The following SERPINA12 variants were observed in gnomAD, a reference collection of about 807,000 sequenced individuals.
SERPINA12 encodes the protein serpin family A member 12.
SERPINA12 carries 21 observed loss-of-function variants against 25.9 expected under a neutral mutation model. The ratio of observed to expected loss-of-function variants is 0.81; its 90% CI spans 0.58 to 1.17. The LOEUF is 1.17. Among genes scored for constraint, SERPINA12 ranks in the 50% most tolerant of loss-of-function variants. SERPINA12 has a pLI of 0.00. For synonymous variants in SERPINA12, 220 were observed against 196.0 expected (o/e 1.12, Z -1.02); for missense variants, 562 against 508.3 (o/e 1.11, Z -1.02).
upstream of SERPINA12, chr14:94,510,121 G>T (rs1418510316): frequency 1.0e-6 from 1 of 985,322 alleles, no homozygotes; most frequent in Non-Finnish European, 1.2e-6. Context: ...CTGGTGGCTG[G>T]AGAAGCCATC....
At chr14:94,501,275 C>T (rs1900709814) in intron 1 of SERPINA12, among the ~76,000 whole-genome samples, 1 of 152,112 alleles carries the variant, frequency 6.6e-6, no homozygotes, top group Non-Finnish European at 1.5e-5. Context: ...TAAGACATGT[C>T]CCTTGAGCTG....
chr14:94,505,372 A>C (rs1158385237), intron 1 of SERPINA12, among the ~76,000 whole-genome samples: 1 of 152,172 alleles, frequency 6.6e-6, no homozygotes, highest in East Asian at 1.9e-4. Context: ...CAGATCAGAA[A>C]CCACCCCTGA....
At chr14:94,499,711 G>C (rs931761204) in intron 1 of SERPINA12, among the ~76,000 whole-genome samples, 1 of 152,218 alleles carries the variant, frequency 6.6e-6, no homozygotes, top group Non-Finnish European at 1.5e-5. Context: ...TGCATGTTAT[G>C]TATTGAGGCA....
chr14:94,511,585 C>A, upstream of SERPINA12: 1 of 985,370 alleles, frequency 1.0e-6, no homozygotes, highest in Non-Finnish European at 1.2e-6. Flanking sequence ...AGAACAGGAA[C>A]CGACACCACC....
chr14:94,512,307 A>G (rs1901132601), upstream of SERPINA12, among the ~76,000 whole-genome samples: 1 of 152,102 alleles, frequency 6.6e-6, no homozygotes, highest in African/African-American at 2.4e-5. Flanking sequence ...GGGCCACCTC[A>G]CCCAGGTCAC....
chr14:94,497,778 T>C lies in SERPINA12; in HGVS notation c.620A>G (p.Tyr207Cys), dbSNP rs1367261260. ...DPGTVMLLAN[Y>C]IFFRARWKHE... ...AAAAGCCTTACCTCGAAAGAAAATA[T>C]AATTTGCAAGAAGCATCACAGTGCC... The change falls in exon 2 of 5, where the codon TAT (tyrosine) becomes TGT (cysteine). Residue 207 changes from tyrosine to cysteine, a missense_variant. Physicochemically the swap from Tyr to Cys is radical, Grantham distance 194 (BLOSUM62 -2). Transcript: ENST00000677451. 6.2e-7 allele frequency: 1 copy of C among 1,604,510 alleles called. No homozygotes were observed. Among genetic ancestry groups the C allele is most frequent in the Non-Finnish European group, 8.5e-7 (1 of 1,175,530 alleles).
chr14:94,501,234 G>A (rs777813748), intron 1 of SERPINA12: 17 of 892,540 alleles, frequency 1.9e-5, no homozygotes, highest in Middle Eastern at 5.6e-4. Context: ...CAGAGTGGGC[G>A]CAAGTTCCCA....
chr14:94,503,134 G>T (rs953734358), intron 1 of SERPINA12: 2 of 924,918 alleles, frequency 2.2e-6, no homozygotes, highest in African/African-American at 3.6e-5. Flanking sequence ...GCTTTAAGAA[G>T]AAATCACTCT....
At chr14:94,492,142 C>T (rs750379871) in intron 3 of SERPINA12, among the ~76,000 whole-genome samples, 6 of 152,020 alleles carry the variant, frequency 3.9e-5, no homozygotes, top group South Asian at 2.1e-4. Context: ...AGCCGAAGAG[C>T]GAGGCCTGAG....
In SERPINA12 at chr14:94,498,004, G is replaced by T. The variant is rs747223872; in HGVS notation, c.394C>A (p.Leu132Met). ...ATGAACAGCGTGTTCCCAATGCTCA[G>T]TTTGAGGTCCTGGGTCTTCTGGGTC... Reference protein sequence around the residue: ...ELTQKTQDLKLSIGNTLFIDQ... With the variant: ...ELTQKTQDLKMSIGNTLFIDQ... The change falls in exon 2 of 5, where the codon CTG becomes ATG. Residue 132 changes from leucine (L) to methionine (M), a missense_variant. By Grantham distance (15) the Leu-to-Met change is conservative. Coordinates refer to ENST00000677451, the MANE Select transcript of SERPINA12 (RefSeq NM_001382267.1). 12 of 1,614,176 alleles carry T rather than the reference G, an allele frequency of 7.4e-6. No individual in the cohort carries two copies. Among genetic ancestry groups the T allele is most frequent in the Non-Finnish European group, 8.5e-6 (10 of 1,180,016 alleles).
At chr14:94,491,381 T>G (rs914009804) in intron 3 of SERPINA12, among the ~76,000 whole-genome samples, 6 of 152,166 alleles carry the variant, frequency 3.9e-5, no homozygotes, top group Non-Finnish European at 7.4e-5. Flanking sequence ...ATTGGGGTTT[T>G]TTTTCCTGAA....
At chr14:94,507,923 A>G (rs1313810293) in intron 1 of SERPINA12, among the ~76,000 whole-genome samples, 1 of 152,356 alleles carries the variant, frequency 6.6e-6, no homozygotes, top group East Asian at 1.9e-4. Flanking sequence ...TGATAGACCT[A>G]AAGTGGAAAC....
At chr14:94,502,404 C>T (rs1191381509) in intron 1 of SERPINA12, among the ~76,000 whole-genome samples, 1 of 152,178 alleles carries the variant, frequency 6.6e-6, no homozygotes, top group African/African-American at 2.4e-5. Flanking sequence ...CTTCCACCTC[C>T]CACACCGTCC....
chr14:94,513,957 C>T (rs994726789), upstream of SERPINA12, among the ~76,000 whole-genome samples: 4 of 152,126 alleles, frequency 2.6e-5, no homozygotes, highest in Admixed American at 1.3e-4. Flanking sequence ...CCTCACAGTC[C>T]GAGAAGGGGT....
intron 3 of SERPINA12, among the ~76,000 whole-genome samples, chr14:94,492,083 G>A (rs1254739873): frequency 6.6e-6 from 1 of 152,118 alleles, no homozygotes; most frequent in East Asian, 1.9e-4. Flanking sequence ...TGAGAGTGGA[G>A]AGCTGGAAGC....
upstream of SERPINA12, chr14:94,510,196 G>A (rs1385546801): frequency 1.0e-6 from 1 of 985,264 alleles, no homozygotes; most frequent in East Asian, 1.1e-4. Context: ...TTGGATCTGT[G>A]GTTGCCTGAG....
chr14:94,510,154 C>G, upstream of SERPINA12: 1 of 985,420 alleles, frequency 1.0e-6, no homozygotes, highest in Non-Finnish European at 1.2e-6. Context: ...TCTCAGTGTA[C>G]TCACCTGTAC....
At chr14:94,499,310 G>A (rs1900612576) in intron 1 of SERPINA12, among the ~76,000 whole-genome samples, 2 of 152,130 alleles carry the variant, frequency 1.3e-5, no homozygotes, top group Admixed American at 1.3e-4. Flanking sequence ...CCTGGCTCTG[G>A]ACTGCTGCTC....
At chr14:94,499,922 G>C (rs1389413690) in intron 1 of SERPINA12, among the ~76,000 whole-genome samples, 3 of 152,178 alleles carry the variant, frequency 2.0e-5, no homozygotes, top group African/African-American at 7.2e-5. Context: ...TATCAGCCAA[G>C]GACAATTTTC....
Sources: allele counts gnomAD v4.1 joint callset (sites outside exome capture counted in the v4.1 genomes callset), GRCh38; gene constraint gnomAD v4.1.1; transcripts MANE v1.5; gene names NCBI Gene and HGNC (gene_info 2026-07-23, HGNC 2026-07-21).